Variants in RPS17 observed in about 807,000 individuals in gnomAD.
RPS17 encodes ribosomal protein S17, also known as small ribosomal subunit protein eS17.
For missense variants in RPS17, 68 were observed against 182.3 expected (o/e 0.37, Z 3.61); for synonymous variants, 75 against 65.6 (o/e 1.14, Z -0.70).
intron 4 of RPS17, chr15:82,537,371 T>C: frequency 3.6e-6 from 1 of 278,362 alleles, no homozygotes; most frequent in Non-Finnish European, 7.0e-6. Context: ...ACTCTGTCCC[T>C]TTGAGAATAC....
chr15:82,539,865 A>G, intron 2 of RPS17, 116 bp downstream of exon 2: 1 of 1,522,890 alleles, frequency 6.6e-7, no homozygotes, highest in Non-Finnish European at 9.1e-7. Flanking sequence ...TCTCCGGGAC[A>G]CCAGGGAGTC....
chr15:82,538,216 C>T (rs2034275063), intron 4 of RPS17, 90 bp downstream of exon 4: 2 of 1,417,274 alleles, frequency 1.4e-6, no homozygotes, highest in Non-Finnish European at 2.0e-6. Context: ...CCAACTCTGC[C>T]ACTTACTAGC....
intron 2 of RPS17, 167 bp from the exon 3 acceptor site, chr15:82,539,152 G>A: frequency 1.3e-6 from 1 of 741,506 alleles, no homozygotes; most frequent in Non-Finnish European, 2.5e-6. Flanking sequence ...CCACTGGCCT[G>A]AGCATTCCTT....
Position 82,540,314 on chromosome 15 carries a change from G to A in RPS17, c.3+112C>T, listed in dbSNP as rs1422380973. 3.8e-6 allele frequency: 6 copies of A among 1,582,340 alleles called. No homozygotes were observed. In the African/African-American group the frequency reaches 6.7e-5, roughly 18 times the overall value. ...CCGCCGGCCCGTTGCGCTCCAGCCT[G>A]ACAGGGCTCTGCGCCTTCCCGGCCC... On this transcript the variant is annotated intron_variant, in intron 1 of 4. Transcript: ENST00000647841.
At chr15:82,539,772 C>A in intron 2 of RPS17, 1 of 839,720 alleles carries the variant, frequency 1.2e-6, no homozygotes, top group South Asian at 1.5e-5. Flanking sequence ...CGGTGGCTAC[C>A]TTCGACCCAG....
At chr15:82,539,058 C>A in intron 2 of RPS17, 73 bp from the exon 3 acceptor site, 2 of 1,425,384 alleles carry the variant, frequency 1.4e-6, no homozygotes, top group Non-Finnish European at 9.9e-7. Context: ...AGCACATGTG[C>A]ATATATAAAT....
At chr15:82,539,172 T>G in intron 2 of RPS17, 187 bp from the exon 3 acceptor site, 2 of 713,000 alleles carry the variant, frequency 2.8e-6, no homozygotes, top group Non-Finnish European at 2.6e-6. Context: ...TCCCCTTGGT[T>G]TCTCACTCTC....
chr15:82,539,581 G>A, intron 2 of RPS17: 1 of 421,634 alleles, frequency 2.4e-6, no homozygotes, highest in Admixed American at 2.7e-5. Context: ...CCCAGCTACT[G>A]GGAAGGCTGA....
intron 1 of RPS17, 100 bp from the exon 2 acceptor site, chr15:82,540,232 C>T (rs2034324360): frequency 6.2e-7 from 1 of 1,609,164 alleles, no homozygotes; most frequent in African/African-American, 1.3e-5. Flanking sequence ...CCGCCGGCTG[C>T]GCTGAGCCGG....
chr15:82,537,286 A>G (rs959157422), intron 4 of RPS17: 1 of 310,718 alleles, frequency 3.2e-6, no homozygotes, highest in Admixed American at 4.4e-5. Flanking sequence ...TCTACCCCTT[A>G]GAAGTTAGCA....
intron 2 of RPS17, 60 bp downstream of exon 2, chr15:82,539,921 G>A (rs2034314910): frequency 1.2e-6 from 2 of 1,611,600 alleles, no homozygotes; most frequent in East Asian, 2.2e-5. Context: ...CCGAGTCGGA[G>A]GGCGGCAGAG....
intron 4 of RPS17, 197 bp from the exon 5 acceptor site, chr15:82,537,078 A>G (rs2034252712): frequency 1.5e-6 from 1 of 672,398 alleles, no homozygotes; most frequent in African/African-American, 1.8e-5. Flanking sequence ...ACACCTGACC[A>G]TGTGGTATCC....
intron 4 of RPS17, chr15:82,537,855 C>CA: frequency 2.2e-6 from 1 of 456,070 alleles, no homozygotes; most frequent in Admixed American, 2.3e-5. Flanking sequence ...CTAAGATAAG[C>CA]CATAGAAAAA....
intron 2 of RPS17, 25 bp from the exon 3 acceptor site, chr15:82,539,010 G>C: frequency 6.2e-7 from 1 of 1,609,834 alleles, no homozygotes; most frequent in Non-Finnish European, 8.5e-7. Flanking sequence ...CAGCCAAAGA[G>C]AACAGTGAGA....
Position 82,538,388 on chromosome 15 carries a change from T to C in RPS17, c.262-17A>G. The C allele has an allele frequency of 1.2e-6, 2 of 1,611,774 alleles. No individual in the cohort carries two copies. The highest frequency in any genetic ancestry group is 1.7e-5 in the Admixed American group (1 of 60,006). On this transcript the variant is annotated splice_polypyrimidine_tract_variant and intron_variant, in intron 3 of 4. Transcript: ENST00000647841. ...GGCTGAGACCTACAAGGAAACGAGG[T>C]AGGGTCAAAATACCAATCAATGAGA...
At chr15:82,537,379 T>C (rs2034259432) in intron 4 of RPS17, 2 of 272,578 alleles carry the variant, frequency 7.3e-6, no homozygotes, top group Admixed American at 1.0e-4. Context: ...CCTTTGAGAA[T>C]ACACAGTGCC....
chr15:82,540,301 T>C (rs2034326999), intron 1 of RPS17, 125 bp downstream of exon 1: 1 of 1,585,580 alleles, frequency 6.3e-7, no homozygotes, highest in Non-Finnish European at 8.6e-7. Flanking sequence ...GCCGGCCCGT[T>C]GCGCTCCAGC....
At chr15:82,538,054 A>G in intron 4 of RPS17, 1 of 548,728 alleles carries the variant, frequency 1.8e-6, no homozygotes, top group Non-Finnish European at 3.6e-6. Context: ...TATAAAACCA[A>G]GAACAGAAGC....
rs2034318885 is a variant in RPS17 at position 82,540,038 on chromosome 15, C to T, written c.98G>A (p.Arg33His). Reference protein sequence around the residue: ...RLGNDFHTNKRVCEEIAIIPS... With the variant: ...RLGNDFHTNKHVCEEIAIIPS... ...GATAATGGCGATCTCCTCGCACACGCGCTTGTTCGTGTGGAAGTCGTTGCC... is the reference window on the plus strand; with the variant it reads ...GATAATGGCGATCTCCTCGCACACGTGCTTGTTCGTGTGGAAGTCGTTGCC... The change falls in exon 2 of 5, where the codon CGC becomes CAC. Residue 33 changes from arginine to histidine, a missense_variant. Physicochemically the swap from Arg to His is conservative, Grantham distance 29. Transcript: ENST00000647841. 6.2e-7 allele frequency: 1 copy of T among 1,612,600 alleles called. No homozygotes were observed. The highest frequency in any genetic ancestry group is 8.5e-7 in the Non-Finnish European group (1 of 1,179,876).
Sources: gnomAD v4.1 joint callset for allele counts on GRCh38, gnomAD v4.1.1 for gene constraint, MANE v1.5 for transcripts, NCBI Gene and HGNC (gene_info 2026-07-23, HGNC 2026-07-21) for gene names.